NWD2: variants seen among roughly 807,000 people sequenced by gnomAD.
NWD2 encodes NACHT and WD repeat domain-containing protein 2.
NWD2 carries 37 observed loss-of-function variants against 132.7 expected under a neutral mutation model. The ratio of observed to expected loss-of-function variants is 0.28; its 90% CI spans 0.21 to 0.37. The LOEUF (loss-of-function observed/expected upper bound fraction) is 0.37, where lower values mean the gene tolerates loss of function less well. Among genes scored for constraint, NWD2 ranks in the 10% least tolerant of loss-of-function variants. The pLI, the probability that NWD2 is intolerant of heterozygous loss-of-function variation, is 1.00. For missense variants in NWD2, 1,592 were observed against 2,122.4 expected, an observed-to-expected ratio of 0.75 and a Z score of 4.91; for synonymous variants, 705 against 803.0, an observed-to-expected ratio of 0.88 and a Z score of 2.06.
At chr4:37,342,773 CAG>C (rs1036917247) in intron 2 of NWD2, among the ~76,000 whole-genome samples, 40 of 152,284 alleles carry the variant, frequency 2.6e-4, no homozygotes, top group African/African-American at 9.6e-4. Context: ...TTTCAAGACA[CAG>C]GGGCATCAGG....
chr4:37,376,495 C>A (rs1293206682), intron 3 of NWD2, among the ~76,000 whole-genome samples: 2 of 152,064 alleles, frequency 1.3e-5, no homozygotes, highest in Non-Finnish European at 2.9e-5. Context: ...GTCAGAGGCT[C>A]TAGAGCAAGA....
At chr4:37,374,125 C>CATGA (rs1483827900) in intron 3 of NWD2, among the ~76,000 whole-genome samples, 1 of 152,206 alleles carries the variant, frequency 6.6e-6, no homozygotes, top group Non-Finnish European at 1.5e-5. Flanking sequence ...GCAGATCCCT[C>CATGA]ATGAATGGCT....
chr4:37,393,476 A>G (rs74428939), intron 3 of NWD2, among the ~76,000 whole-genome samples: 1,705 of 152,312 alleles, frequency 0.011, 26 homozygotes, highest in African/African-American at 0.039. Flanking sequence ...GAGAAAATCC[A>G]TAATTACTCA....
rs146326151 is a variant in NWD2 at position 37,386,681 on chromosome 4, T to C, written c.357+30199T>C. Among the ~76,000 whole-genome samples the C allele has an allele frequency of 9.8e-3, 1,488 of 152,288 alleles. 13 individuals carry two copies. The highest frequency in any genetic ancestry group is 0.019 in the South Asian group (92 of 4,826). ...TGTAAACCTGCTTTTTCCCTACTTA[T>C]ACAGTTTGCATATTTGTCCCCTCCA... On this transcript the variant is annotated intron_variant, in intron 3 of 6. Coordinates refer to ENST00000309447, the MANE Select transcript of NWD2 (RefSeq NM_001144990.2).
intron 2 of NWD2, among the ~76,000 whole-genome samples, chr4:37,352,746 T>C (rs1006669758): frequency 6.6e-6 from 1 of 152,228 alleles, no homozygotes; most frequent in Non-Finnish European, 1.5e-5. Flanking sequence ...CCTATCTATA[T>C]CTTTGCACAT....
At chr4:37,248,539 C>T (rs1717290127) in intron 1 of NWD2, among the ~76,000 whole-genome samples, 1 of 152,202 alleles carries the variant, frequency 6.6e-6, no homozygotes, top group African/African-American at 2.4e-5. Context: ...TCTGTGACAT[C>T]TTCATCAATC....
chr4:37,407,191 C>T (rs570655822), intron 3 of NWD2, among the ~76,000 whole-genome samples: 20 of 152,218 alleles, frequency 1.3e-4, no homozygotes, highest in Admixed American at 8.5e-4. Context: ...CCTATGTAAC[C>T]TGCACATTCT....
intron 3 of NWD2, among the ~76,000 whole-genome samples, chr4:37,380,052 C>G (rs1720422725): frequency 6.6e-6 from 1 of 152,242 alleles, no homozygotes; most frequent in Admixed American, 6.5e-5. Flanking sequence ...AGAATTAATG[C>G]ATTTCATTGA....
At chr4:37,252,829 G>A (rs1024048704) in intron 1 of NWD2, among the ~76,000 whole-genome samples, 29 of 152,276 alleles carry the variant, frequency 1.9e-4, no homozygotes, top group African/African-American at 7.0e-4. Context: ...TTAAGGCCTG[G>A]GCTTGGAAGT....
At chr4:37,372,466 G>A (rs143390153) in intron 3 of NWD2, among the ~76,000 whole-genome samples, 38 of 152,268 alleles carry the variant, frequency 2.5e-4, no homozygotes, top group East Asian at 7.7e-4. Context: ...TAGAATTTAC[G>A]TATTAATTAC....
intron 1 of NWD2, among the ~76,000 whole-genome samples, chr4:37,300,971 T>C (rs1201469594): frequency 2.0e-5 from 3 of 152,164 alleles, no homozygotes; most frequent in African/African-American, 7.2e-5. Flanking sequence ...ACTACCAGTT[T>C]TTGCATTTCA....
rs1712538567 is a variant in NWD2, at chr4:37,443,419, C to T, written c.1431C>T (p.Asn477=). 6.4e-7 allele frequency: 1 copy of T among 1,552,252 alleles called. No individual in the cohort carries two copies. ...GTGTTTGTGAACAATTGGCAGTTAA[C>T]TACCGGTGTCTGGTTCAAAGCTACC... is the stretch of plus-strand genomic sequence containing the variant. ...LLSVCEQLAV[N]YRCLVQSYPK... is the part of the protein sequence containing the mutation. Residue 477 remains asparagine, a synonymous_variant, in exon 7 of 7, where the codon AAC becomes AAT. Transcript: ENST00000309447. This position sits in a 1 kb window ranked among gnomAD's most constrained non-coding sequence, Gnocchi z 4.1.
chr4:37,438,955 G>A lies in NWD2; in HGVS notation c.861G>A (p.Arg287=). 1 of 1,551,990 alleles carries A rather than the reference G, an allele frequency of 6.4e-7. No individual in the cohort carries two copies. Among genetic ancestry groups the A allele is most frequent in the Non-Finnish European group, 8.7e-7 (1 of 1,147,050 alleles). ...TGGATATAACTGGAACAGAACCGAG[G>A]ATTATTCGGGACCCAGAAGCCCAAG... ...KYMDITGTEP[R]IIRDPEAQEK... is the part of the protein sequence containing the mutation. Residue 287 remains arginine (R), a synonymous_variant, in exon 6 of 7, where the codon AGG becomes AGA. Coordinates refer to ENST00000309447, the MANE Select transcript of NWD2 (RefSeq NM_001144990.2).
chr4:37,356,405 G>C lies in NWD2; in HGVS notation c.280G>C (p.Asp94His). Residue 94 changes from aspartate (D) to histidine (H), a missense_variant, in exon 3 of 7, where the codon GAC (aspartate) becomes CAC (histidine). Coordinates refer to ENST00000309447, the MANE Select transcript of NWD2 (RefSeq NM_001144990.2). ...LYWGVEEDEW[D>H]SPELQKTRMK... is the part of the protein sequence containing the mutation. ...CTGGGGAGTGGAAGAAGATGAGTGG[G>C]ACAGCCCAGAGCTCCAGAAGACCCG... is the stretch of plus-strand genomic sequence containing the variant. 1 of 1,551,434 alleles carries C rather than the reference G, an allele frequency of 6.4e-7. No homozygotes were observed. Among genetic ancestry groups the C allele is most frequent in the Admixed American group, 2.0e-5 (1 of 50,986 alleles).
chr4:37,299,009 C>T (rs936700256), intron 1 of NWD2, among the ~76,000 whole-genome samples: 2 of 152,090 alleles, frequency 1.3e-5, no homozygotes, highest in African/African-American at 4.8e-5. Context: ...AGACTCAATT[C>T]CTATTACCAG....
At chr4:37,379,515 T>C (rs1211868998) in intron 3 of NWD2, among the ~76,000 whole-genome samples, 1 of 152,130 alleles carries the variant, frequency 6.6e-6, no homozygotes, top group Non-Finnish European at 1.5e-5. Context: ...ACATGACATA[T>C]GTTTTATTAT....
intron 3 of NWD2, among the ~76,000 whole-genome samples, chr4:37,364,976 T>C (rs969797268): frequency 1.3e-5 from 2 of 152,196 alleles, no homozygotes; most frequent in Non-Finnish European, 2.9e-5. Flanking sequence ...CAAGACAAAG[T>C]GTGTAGCTGT....
intron 2 of NWD2, among the ~76,000 whole-genome samples, chr4:37,330,368 G>T (rs1438050285): frequency 6.6e-6 from 1 of 152,070 alleles, no homozygotes; most frequent in African/African-American, 2.4e-5. Flanking sequence ...TTGATTTGCA[G>T]GTATTTACTA....
In NWD2 at chr4:37,276,686, C is replaced by T. The variant is rs141668249; in HGVS notation, c.151+31468C>T. 9.3e-3 allele frequency among the ~76,000 whole-genome samples: 1,410 copies of T among 152,170 alleles called. 8 individuals carry two copies. The highest frequency in any genetic ancestry group is 0.015 in the Non-Finnish European group (1,002 of 67,998). On this transcript the variant is annotated intron_variant, in intron 1 of 6. Coordinates refer to ENST00000309447, the MANE Select transcript of NWD2 (RefSeq NM_001144990.2). ...ATGCTGCTATAAAGACACATGCACA[C>T]GTATGTTTATCGCGGCACTATTCAC...
Sources: allele counts gnomAD v4.1 joint callset (sites outside exome capture counted in the v4.1 genomes callset), GRCh38; gene constraint gnomAD v4.1.1; non-coding constraint Gnocchi (gnomAD v3.1); transcripts MANE v1.5; gene names NCBI Gene and HGNC (gene_info 2026-07-23, HGNC 2026-07-21).